Variants in CAMTA1 observed in about 807,000 individuals in gnomAD.
CAMTA1 encodes calmodulin binding transcription activator 1.
Under a neutral mutation model 170.9 loss-of-function variants are expected in CAMTA1, and 27 were observed. The ratio of observed to expected loss-of-function variants is 0.16; its 90% confidence interval spans 0.12 to 0.22. The LOEUF (loss-of-function observed/expected upper bound fraction) is 0.22, where lower values mean the gene tolerates loss of function less well. CAMTA1 is among the 10% of genes least tolerant of loss of function. The pLI is 1.00. For synonymous variants in CAMTA1, 833 were observed against 891.5 expected, an observed-to-expected ratio of 0.93 and a Z score of 1.17; for missense variants, 1,619 against 2,217.2, an observed-to-expected ratio of 0.73 and a Z score of 5.42.
At chr1:7,165,906 G>A (rs950384683) in intron 4 of CAMTA1, among the ~76,000 whole-genome samples, 10 of 152,094 alleles carry the variant, frequency 6.6e-5, no homozygotes, top group Non-Finnish European at 1.3e-4. Context: ...AGAGAGATAG[G>A]GGTGTGTGTA....
Position 7,738,861 on chromosome 1 carries a change from AGGAAGCCCGT to A in CAMTA1, c.4182+383_4182+392del, listed in dbSNP as rs1258914721. On this transcript the variant is annotated intron_variant, in intron 16 of 22. Transcript: ENST00000303635. This position sits in a 1 kb window ranked among gnomAD's most constrained non-coding sequence, Gnocchi z 4.9. ...GTCAAGACCTAAAAATAGCTAGAAC[AGGAAGCCCGT>A]GGATAGATTTTGAATTATCTGAGTG... is the stretch of plus-strand genomic sequence containing the variant. Among the ~76,000 whole-genome samples the A allele has an allele frequency of 6.6e-6, 1 of 152,204 alleles. No homozygotes were observed. The highest frequency in any genetic ancestry group is 1.5e-5 in the Non-Finnish European group (1 of 68,034).
At chr1:7,650,393 C>CTGA (rs1175173344) in intron 7 of CAMTA1, among the ~76,000 whole-genome samples, 1 of 152,218 alleles carries the variant, frequency 6.6e-6, no homozygotes, top group East Asian at 1.9e-4. Context: ...TCTGTATTTC[C>CTGA]TGATGATGGA....
intron 5 of CAMTA1, among the ~76,000 whole-genome samples, chr1:7,433,939 T>C (rs1317739297): frequency 6.6e-6 from 1 of 152,028 alleles, no homozygotes; most frequent in East Asian, 1.9e-4. Context: ...CCCTCCTCAT[T>C]CAATGCAAGG....
chr1:7,624,890 G>A (rs182346021), intron 6 of CAMTA1, among the ~76,000 whole-genome samples: 2 of 152,324 alleles, frequency 1.3e-5, no homozygotes, highest in Non-Finnish European at 2.9e-5. Flanking sequence ...TTGGTTGGAA[G>A]GATAAAGGGA....
chr1:6,931,624 C>G (rs1221740907), intron 3 of CAMTA1, among the ~76,000 whole-genome samples: 2 of 152,162 alleles, frequency 1.3e-5, no homozygotes. Context: ...TTACTGTTTT[C>G]CTCACTGTAC....
chr1:6,888,611 TAAATC>T (rs1232614237), intron 3 of CAMTA1, among the ~76,000 whole-genome samples: 2 of 152,176 alleles, frequency 1.3e-5, no homozygotes, highest in African/African-American at 4.8e-5. Flanking sequence ...GTAAACAAGA[TAAATC>T]AAAATATTTT....
chr1:7,119,966 A>G (rs1644547026), intron 4 of CAMTA1, among the ~76,000 whole-genome samples: 1 of 152,092 alleles, frequency 6.6e-6, no homozygotes, highest in African/African-American at 2.4e-5. Context: ...CCCTCATGAG[A>G]ACCTTTCGAC....
intron 5 of CAMTA1, among the ~76,000 whole-genome samples, chr1:7,306,444 A>G (rs1448229073): frequency 6.6e-6 from 1 of 151,850 alleles, no homozygotes; most frequent in Non-Finnish European, 1.5e-5. Flanking sequence ...AATTGTCTGT[A>G]TTTGTGGAGT....
chr1:7,677,999 C>A (rs1405740728), intron 11 of CAMTA1, among the ~76,000 whole-genome samples: 1 of 152,246 alleles, frequency 6.6e-6, no homozygotes, highest in Non-Finnish European at 1.5e-5. Flanking sequence ...GGGCCTGTGG[C>A]TGGCACGCCT....
At chr1:7,557,115 C>T (rs1320315986) in intron 6 of CAMTA1, among the ~76,000 whole-genome samples, 1 of 152,010 alleles carries the variant, frequency 6.6e-6, no homozygotes, top group Non-Finnish European at 1.5e-5. Flanking sequence ...CGAGACCAGC[C>T]TGGGCAACAT....
intron 7 of CAMTA1, among the ~76,000 whole-genome samples, chr1:7,646,973 G>A (rs1222961092): frequency 3.3e-5 from 5 of 152,232 alleles, no homozygotes; most frequent in Non-Finnish European, 5.9e-5. Flanking sequence ...AGGCAGTGCT[G>A]CCGAGACACC....
chr1:7,493,721 G>A (rs1207613486), intron 6 of CAMTA1, among the ~76,000 whole-genome samples: 3 of 152,158 alleles, frequency 2.0e-5, no homozygotes, highest in South Asian at 2.1e-4. Context: ...GCACCTTCTC[G>A]AGGATTCCCT....
intron 5 of CAMTA1, among the ~76,000 whole-genome samples, chr1:7,410,124 A>T (rs1557668319): frequency 6.6e-6 from 1 of 152,206 alleles, no homozygotes; most frequent in Admixed American, 6.5e-5. Context: ...AGCAGTAAGG[A>T]TTTGTTACAG....
chr1:7,480,646 C>T (rs907592225), intron 6 of CAMTA1, among the ~76,000 whole-genome samples: 1 of 152,126 alleles, frequency 6.6e-6, no homozygotes, highest in African/African-American at 2.4e-5. Context: ...ACGCTCCCTG[C>T]TGCCGAGACT....
At chr1:7,445,070 G>T (rs1406689474) in intron 5 of CAMTA1, among the ~76,000 whole-genome samples, 5 of 139,672 alleles carry the variant, frequency 3.6e-5, no homozygotes, top group African/African-American at 1.4e-4. Context: ...TGGGGTGGGG[G>T]TTACCTCTGT....
rs138487001 is a variant in CAMTA1, at chr1:7,680,514, T to A, written c.2914+2781T>A. 1.3e-5 allele frequency among the ~76,000 whole-genome samples: 2 copies of A among 151,098 alleles called. No individual in the cohort carries two copies. The highest frequency in any genetic ancestry group is 3.0e-5 in the Non-Finnish European group (2 of 67,698). On this transcript the variant is annotated intron_variant, in intron 11 of 22. Coordinates refer to ENST00000303635, the MANE Select transcript of CAMTA1 (RefSeq NM_015215.4). This position sits in a 1 kb window ranked among gnomAD's most constrained non-coding sequence, Gnocchi z 4.4. The stretch of plus-strand genomic sequence containing the variant: ...CGCAATGCGGGGCCCTTCGCGGAAC[T>A]GCTGGCGGCGCCGCGCCCCGCGGGG...
intron 3 of CAMTA1, among the ~76,000 whole-genome samples, chr1:7,019,748 T>C (rs1459463445): frequency 6.6e-6 from 1 of 152,264 alleles, no homozygotes; most frequent in Non-Finnish European, 1.5e-5. Context: ...TTTTGACCTT[T>C]GCCTTTGACC....
intron 11 of CAMTA1, among the ~76,000 whole-genome samples, chr1:7,688,118 C>T (rs1188732053): frequency 1.4e-5 from 2 of 146,576 alleles, no homozygotes; most frequent in Non-Finnish European, 3.0e-5. Context: ...AGGTGATTCT[C>T]CTGCCTCAGC....
rs768293021 is a variant in CAMTA1 at position 7,664,119 on chromosome 1, T to C, written c.1572T>C (p.Phe524=). The C allele has an allele frequency of 2.5e-6, 4 of 1,613,418 alleles. No homozygotes were observed. Among genetic ancestry groups the C allele is most frequent in the Non-Finnish European group, 2.5e-6 (3 of 1,180,032 alleles). The change falls in exon 9 of 23, where the codon TTT becomes TTC. Residue 524 remains phenylalanine (F), a synonymous_variant. Coordinates refer to ENST00000303635, the MANE Select transcript of CAMTA1 (RefSeq NM_015215.4). ...CACCCGGGGAGCGGAGCTTCAGCTT[T>C]ACCACCGTCCTCACCAAGGAGATCA... is the stretch of plus-strand genomic sequence containing the variant. ...HSPPGERSFS[F]TTVLTKEIKT... is the part of the protein sequence containing the mutation.
Sources: allele counts gnomAD v4.1 joint callset (sites outside exome capture counted in the v4.1 genomes callset), GRCh38; gene constraint gnomAD v4.1.1; non-coding constraint Gnocchi (gnomAD v3.1); transcripts MANE v1.5; gene names NCBI Gene and HGNC (gene_info 2026-07-23, HGNC 2026-07-21).